The following CACNA1I variants were observed in gnomAD, a reference collection of about 807,000 sequenced individuals.
The protein encoded by CACNA1I is calcium voltage-gated channel subunit alpha1 I.
CACNA1I carries 74 observed loss-of-function variants against 201.6 expected under a neutral mutation model. That is an observed-to-expected ratio of 0.37 (90% confidence interval 0.30 to 0.45). CACNA1I has a LOEUF of 0.45. Among genes scored for constraint, CACNA1I ranks in the 20% least tolerant of loss-of-function variants. CACNA1I has a pLI of 1.00. For missense variants in CACNA1I, 2,346 were observed against 3,138.1 expected, an observed-to-expected ratio of 0.75 and a Z score of 6.03; for synonymous variants, 1,431 against 1,345.2, an observed-to-expected ratio of 1.06 and a Z score of -1.40.
intron 3 of CACNA1I, among the ~76,000 whole-genome samples, chr22:39,601,908 TCCC>T: frequency 3.4e-5 from 1 of 29,410 alleles, no homozygotes; most frequent in Non-Finnish European, 7.0e-5. Flanking sequence ...CCTCCCTCCC[TCCC>T]TCCCTCCTTC....
In CACNA1I at chr22:39,677,991, C is replaced by T. The variant is rs1381472569; in HGVS notation, c.4938C>T (p.Cys1646=). The T allele has an allele frequency of 1.9e-6, 3 of 1,588,798 alleles. No homozygotes were observed. Among genetic ancestry groups the T allele is most frequent in the South Asian group, 2.3e-5 (2 of 86,964 alleles). The change falls in exon 31 of 37, where the codon TGC becomes TGT. Residue 1646 remains cysteine, a synonymous_variant. Coordinates refer to ENST00000402142, the MANE Select transcript of CACNA1I (RefSeq NM_021096.4). This position sits in a 1 kb window ranked among gnomAD's most constrained non-coding sequence, Gnocchi z 4.8. The part of the protein sequence containing the change: ...LGVELFGKLV[C]NDENPCEGMS... ...TGACCTCCTCCCCGCTTCCAGTCTG[C>T]AACGACGAGAACCCGTGCGAGGGCA...
rs372847943 is a variant in CACNA1I, at chr22:39,648,383, C to T, written c.1567+457C>T. On this transcript the variant is annotated intron_variant, in intron 9 of 36. Coordinates refer to ENST00000402142, the MANE Select transcript of CACNA1I (RefSeq NM_021096.4). The surrounding 1 kb of genome is among the most constrained non-coding windows in gnomAD (Gnocchi z 5.4). ...AGTGTTCACTCCAACGGGCTTCCTG[C>T]GGCCGCCCAGCCCCCTCTCCTGGCA... Among the ~76,000 whole-genome samples, 60 of 152,282 alleles carry T rather than the reference C, an allele frequency of 3.9e-4. 1 individual carries two copies. In the South Asian group the frequency reaches 0.011, roughly 28 times the overall value.
At chr22:39,605,213 C>G (rs2088921733) in intron 3 of CACNA1I, among the ~76,000 whole-genome samples, 1 of 151,698 alleles carries the variant, frequency 6.6e-6, no homozygotes. Flanking sequence ...GCTCTTTCTT[C>G]AAGCTGTGGA....
In CACNA1I at chr22:39,606,720, C is replaced by T. The variant is rs139363622; in HGVS notation, c.482+6067C>T. Among the ~76,000 whole-genome samples the T allele has an allele frequency of 1.1e-3, 173 of 152,204 alleles. 6 individuals are homozygous for T. In the East Asian group the frequency reaches 0.017, roughly 15 times the overall value. Reference sequence around the variant, plus strand: ...CTAAGTTTTGTATTTTTAGTAGAGACGGGGTTTCACCATGTTGGCCAGATT... The same window carrying T: ...CTAAGTTTTGTATTTTTAGTAGAGATGGGGTTTCACCATGTTGGCCAGATT... On this transcript the variant is annotated intron_variant, in intron 3 of 36. Coordinates refer to ENST00000402142, the MANE Select transcript of CACNA1I (RefSeq NM_021096.4).
rs769347392 is a variant in CACNA1I, at chr22:39,663,816, G to A, written c.3572G>A (p.Arg1191Gln). ...AACTGCATCACCATCGCCCTGGAGC[G>A]GCCTCAGATCGAGGCCGGCAGCACC... ...FLNCITIALE[R>Q]PQIEAGSTER... The change falls in exon 19 of 37, where the codon CGG becomes CAG. Residue 1191 changes from arginine (R) to glutamine (Q), a missense_variant. Transcript: ENST00000402142. 2.5e-6 allele frequency: 4 copies of A among 1,613,662 alleles called. No homozygotes were observed. The highest frequency in any genetic ancestry group is 1.1e-5 in the South Asian group (1 of 91,084).
intron 1 of CACNA1I, among the ~76,000 whole-genome samples, chr22:39,590,579 C>G (rs1932809463): frequency 6.6e-6 from 1 of 152,216 alleles, no homozygotes; most frequent in South Asian, 2.1e-4. Context: ...AAACCCATCT[C>G]AGTTGGGGGT....
rs771273400 is a variant in CACNA1I, at chr22:39,677,978, C to T, written c.4934-9C>T. The T allele has an allele frequency of 1.6e-5, 26 of 1,580,888 alleles. No individual in the cohort carries two copies. In the East Asian group the frequency reaches 2.3e-4, roughly 14 times the overall value. On this transcript the variant is annotated splice_polypyrimidine_tract_variant and intron_variant, in intron 30 of 36. Transcript: ENST00000402142. The surrounding 1 kb of genome is among the most constrained non-coding windows in gnomAD (Gnocchi z 4.8). ...CATCGGGCAGGGCTGACCTCCTCCC[C>T]GCTTCCAGTCTGCAACGACGAGAAC...
At chr22:39,579,648 C>CTT (rs132569) in intron 1 of CACNA1I, among the ~76,000 whole-genome samples, 35 of 142,054 alleles carry the variant, frequency 2.5e-4, no homozygotes, top group Admixed American at 2.1e-3. Flanking sequence ...CTTTCAAGCT[C>CTT]TTTTTTTTTT....
intron 1 of CACNA1I, among the ~76,000 whole-genome samples, chr22:39,574,016 G>A (rs900772501): frequency 2.6e-5 from 4 of 152,196 alleles, no homozygotes; most frequent in Admixed American, 6.5e-5. Flanking sequence ...TGGGATAGAG[G>A]TGGTTCAGGT....
rs1934555314 is a variant in CACNA1I, at chr22:39,648,425, C to G, written c.1567+499C>G. The stretch of plus-strand genomic sequence containing the variant: ...CTCCTGGCACTCTTGCCCCCTTGCC[C>G]CTGGGCCTCCCCTCTGCCCTGGAAA... On this transcript the variant is annotated intron_variant, in intron 9 of 36. Coordinates refer to ENST00000402142, the MANE Select transcript of CACNA1I (RefSeq NM_021096.4). The surrounding 1 kb of genome is among the most constrained non-coding windows in gnomAD (Gnocchi z 5.4). Among the ~76,000 whole-genome samples the G allele has an allele frequency of 6.6e-6, 1 of 152,152 alleles. No homozygotes were observed. Among genetic ancestry groups the G allele is most frequent in the African/African-American group, 2.4e-5 (1 of 41,452 alleles).
chr22:39,653,658 G>A (rs1934724858), intron 10 of CACNA1I, among the ~76,000 whole-genome samples: 1 of 152,212 alleles, frequency 6.6e-6, no homozygotes, highest in Non-Finnish European at 1.5e-5. Context: ...AGGGGCAGGA[G>A]GCGAGGGTGT....
At chr22:39,613,813 G>C (rs1933452571) in intron 3 of CACNA1I, among the ~76,000 whole-genome samples, 1 of 151,474 alleles carries the variant, frequency 6.6e-6, no homozygotes, top group Admixed American at 6.6e-5. Context: ...GGGTCCCTTG[G>C]TACCTGTCTG....
chr22:39,654,997 G>T (rs889258686), intron 10 of CACNA1I, among the ~76,000 whole-genome samples: 15 of 152,088 alleles, frequency 9.9e-5, no homozygotes, highest in African/African-American at 2.9e-4. Flanking sequence ...GCAGGTGAAG[G>T]CACCTGGGCC....
At chr22:39,609,356 G>C (rs938011251) in intron 3 of CACNA1I, among the ~76,000 whole-genome samples, 2 of 152,228 alleles carry the variant, frequency 1.3e-5, no homozygotes, top group Non-Finnish European at 2.9e-5. Flanking sequence ...GCATTTGGCT[G>C]CAAGTAATAG....
chr22:39,643,812 T>C (rs1934407482), intron 7 of CACNA1I, among the ~76,000 whole-genome samples: 1 of 152,216 alleles, frequency 6.6e-6, no homozygotes, highest in Non-Finnish European at 1.5e-5. Context: ...TTATTCAGCA[T>C]TGCCATCCAT....
At chr22:39,669,898 C>T in intron 24 of CACNA1I, 140 bp from the exon 25 acceptor site, 1 of 886,214 alleles carries the variant, frequency 1.1e-6, no homozygotes, top group South Asian at 1.5e-5. Context: ...TACCTGCTGC[C>T]TCATTTAGAC....
At chr22:39,675,898 T>G (rs1174809696) in intron 29 of CACNA1I, among the ~76,000 whole-genome samples, 1 of 152,122 alleles carries the variant, frequency 6.6e-6, no homozygotes, top group Non-Finnish European at 1.5e-5. Flanking sequence ...GGGGGGTCCC[T>G]GGGGGCCAGG....
At chr22:39,674,726 C>T (rs1241081680) in intron 29 of CACNA1I, among the ~76,000 whole-genome samples, 1 of 142,222 alleles carries the variant, frequency 7.0e-6, no homozygotes, top group Non-Finnish European at 1.5e-5. Flanking sequence ...GGCCTCTGCT[C>T]TCAGCTGAGC....
intron 1 of CACNA1I, among the ~76,000 whole-genome samples, chr22:39,581,751 T>G (rs1932556838): frequency 2.0e-5 from 3 of 152,252 alleles, no homozygotes. Flanking sequence ...TCATTTATTT[T>G]CCTTGGAGAG....
Sources: allele counts gnomAD v4.1 joint callset (sites outside exome capture counted in the v4.1 genomes callset), GRCh38; gene constraint gnomAD v4.1.1; non-coding constraint Gnocchi (gnomAD v3.1); transcripts MANE v1.5; gene names NCBI Gene and HGNC (gene_info 2026-07-23, HGNC 2026-07-21).